FTO: variants seen among roughly 807,000 people sequenced by gnomAD.
The protein encoded by FTO is FTO alpha-ketoglutarate dependent dioxygenase.
In FTO, 47 loss-of-function variants were observed where a neutral mutation model predicts 63.9. The ratio of observed to expected loss-of-function variants is 0.74; its 90% confidence interval spans 0.58 to 0.94. The LOEUF is 0.94. Ranked by LOEUF, FTO falls within the 40% of genes least tolerant of loss-of-function variation. The pLI, the probability that FTO is intolerant of heterozygous loss-of-function variation, is 0.00. For synonymous variants in FTO, 207 were observed against 224.4 expected (o/e 0.92, Z 0.69); for missense variants, 562 against 618.1 (o/e 0.91, Z 0.96).
intron 1 of FTO, chr16:53,711,238 T>C: frequency 2.6e-6 from 1 of 385,502 alleles, no homozygotes; most frequent in Non-Finnish European, 4.6e-6. Flanking sequence ...GTCAAGTGGA[T>C]TTTCTCAAAT....
In FTO at chr16:53,810,805, T is replaced by C. The variant is rs537325656; in HGVS notation, c.123+588T>C. 5.3e-5 allele frequency among the ~76,000 whole-genome samples: 8 copies of C among 152,344 alleles called. No individual in the cohort carries two copies. The South Asian group carries it at 1.7e-3, about 32-fold the overall frequency. ...AGGAGTACATGGCTAAATCCAACTT[T>C]ACAAAAGATGTCACCCGATCACTGT... On this transcript the variant is annotated intron_variant, in intron 2 of 8. Transcript: ENST00000471389.
chr16:54,103,638 T>C (rs1418891475), intron 8 of FTO, among the ~76,000 whole-genome samples: 16 of 152,268 alleles, frequency 1.1e-4, no homozygotes, highest in Admixed American at 9.2e-4. Context: ...TTTGACATGC[T>C]GACTTGATAA....
intron 7 of FTO, among the ~76,000 whole-genome samples, chr16:53,897,067 C>G (rs143735989): frequency 7.9e-5 from 12 of 152,272 alleles, no homozygotes; most frequent in African/African-American, 2.9e-4. Context: ...AAAATAATGA[C>G]CCTTTTTTAA....
chr16:54,086,257 A>T (rs1342044332), intron 8 of FTO, among the ~76,000 whole-genome samples: 1 of 152,186 alleles, frequency 6.6e-6, no homozygotes, highest in Admixed American at 6.5e-5. Context: ...TGCTAAATGA[A>T]CCACAAGACC....
chr16:53,817,811 T>C (rs752218983), intron 2 of FTO, among the ~76,000 whole-genome samples: 2 of 152,234 alleles, frequency 1.3e-5, no homozygotes, highest in Non-Finnish European at 2.9e-5. Context: ...CTTTCAGCCA[T>C]TGACAAAGGC....
chr16:53,945,749 G>C (rs1395747498), intron 8 of FTO, among the ~76,000 whole-genome samples: 3 of 152,100 alleles, frequency 2.0e-5, no homozygotes, highest in Admixed American at 1.3e-4. Context: ...GGAGAGTAGG[G>C]GTGAAAATTA....
intron 7 of FTO, among the ~76,000 whole-genome samples, chr16:53,891,541 G>A (rs954830449): frequency 2.0e-5 from 3 of 151,986 alleles, no homozygotes; most frequent in Non-Finnish European, 4.4e-5. Flanking sequence ...CATGTCTATG[G>A]TCTGAGCTAC....
chr16:53,941,162 C>T (rs988439041), intron 8 of FTO, among the ~76,000 whole-genome samples: 10 of 152,210 alleles, frequency 6.6e-5, no homozygotes, highest in Admixed American at 2.6e-4. Flanking sequence ...ACCGACAAGT[C>T]GGCACCGTCC....
chr16:53,901,730 A>G (rs149569638), intron 7 of FTO, among the ~76,000 whole-genome samples: 3 of 152,170 alleles, frequency 2.0e-5, no homozygotes, highest in Admixed American at 6.5e-5. Flanking sequence ...TTTGCACATA[A>G]ATTTCTGCTA....
At chr16:54,071,104 C>T (rs2085855910) in intron 8 of FTO, 1 of 152,136 alleles carries the variant, frequency 6.6e-6, no homozygotes, top group African/African-American at 2.4e-5. Context: ...CAGTACAGGC[C>T]AATTTATTTT....
chr16:54,023,362 G>A (rs756540770), intron 8 of FTO, among the ~76,000 whole-genome samples: 6 of 152,136 alleles, frequency 3.9e-5, no homozygotes, highest in East Asian at 3.8e-4. Context: ...ACTGATGGCC[G>A]GTAGAGCAGT....
At chr16:53,838,003 A>C (rs2079352638) in intron 3 of FTO, among the ~76,000 whole-genome samples, 1 of 152,114 alleles carries the variant, frequency 6.6e-6, no homozygotes, top group African/African-American at 2.4e-5. Context: ...TGCAGCTGGG[A>C]ATTGATTGTG....
chr16:54,052,894 G>T (rs1448173785), intron 8 of FTO, among the ~76,000 whole-genome samples: 3 of 152,070 alleles, frequency 2.0e-5, no homozygotes, highest in Non-Finnish European at 2.9e-5. Flanking sequence ...TAGAGACAGG[G>T]TTTCACCCTG....
intron 8 of FTO, among the ~76,000 whole-genome samples, chr16:54,110,682 G>A (rs1303912246): frequency 2.0e-5 from 3 of 152,164 alleles, no homozygotes; most frequent in Non-Finnish European, 4.4e-5. Context: ...TTCATAGTCA[G>A]TCCTACACAG....
chr16:54,068,358 C>T (rs944654914), intron 8 of FTO, among the ~76,000 whole-genome samples: 6 of 152,044 alleles, frequency 3.9e-5, no homozygotes, highest in East Asian at 1.9e-4. Flanking sequence ...GCCCTGAGCT[C>T]GCCCAGCCTC....
chr16:53,849,191 T>G (rs1300437011), intron 4 of FTO, among the ~76,000 whole-genome samples: 1 of 152,224 alleles, frequency 6.6e-6, no homozygotes, highest in Non-Finnish European at 1.5e-5. Context: ...TGCCTGTGTA[T>G]TGCTAGTGCC....
intron 8 of FTO, among the ~76,000 whole-genome samples, chr16:53,987,399 G>A (rs1163655783): frequency 6.6e-6 from 1 of 151,894 alleles, no homozygotes; most frequent in Admixed American, 6.6e-5. Context: ...TAGCCAATGT[G>A]GAAAAACCCC....
intron 8 of FTO, among the ~76,000 whole-genome samples, chr16:54,061,329 A>G (rs995989077): frequency 6.6e-6 from 1 of 152,160 alleles, no homozygotes; most frequent in Non-Finnish European, 1.5e-5. Context: ...GCTAACTTTC[A>G]GACTTCATTG....
chr16:53,744,412 G>T (rs1355301907), intron 1 of FTO, among the ~76,000 whole-genome samples: 1 of 152,090 alleles, frequency 6.6e-6, no homozygotes, highest in African/African-American at 2.4e-5. Flanking sequence ...CTTTAGTCAC[G>T]AATAATTTAA....
Sources: allele counts gnomAD v4.1 joint callset (sites outside exome capture counted in the v4.1 genomes callset), GRCh38; gene constraint gnomAD v4.1.1; transcripts MANE v1.5; gene names NCBI Gene and HGNC (gene_info 2026-07-23, HGNC 2026-07-21).